HECW2: variants seen among roughly 807,000 people sequenced by gnomAD.
HECW2 encodes the protein E3 ubiquitin-protein ligase HECW2.
HECW2 carries 61 observed loss-of-function variants against 175.2 expected under a neutral mutation model. The observed-to-expected ratio is 0.35, with a 90% CI of 0.28 to 0.43. The LOEUF (loss-of-function observed/expected upper bound fraction) is 0.43, where lower values mean the gene tolerates loss of function less well. Ranked by LOEUF, HECW2 falls within the 20% of genes least tolerant of loss-of-function variation. The pLI is 1.00. For missense variants in HECW2, 1,524 were observed against 2,000.5 expected (o/e 0.76, Z 4.54); for synonymous variants, 671 against 731.0 (o/e 0.92, Z 1.32).
intron 2 of HECW2, among the ~76,000 whole-genome samples, chr2:196,365,486 G>A (rs1693718336): frequency 6.6e-6 from 1 of 152,180 alleles, no homozygotes; most frequent in African/African-American, 2.4e-5. Context: ...ATTTTTATTG[G>A]AGACTTTTTC....
At chr2:196,394,642 A>T (rs1410734421) in intron 2 of HECW2, among the ~76,000 whole-genome samples, 1 of 152,210 alleles carries the variant, frequency 6.6e-6, no homozygotes, top group Non-Finnish European at 1.5e-5. Context: ...TTAGTAGTGA[A>T]GTAAGATTTG....
intron 1 of HECW2, among the ~76,000 whole-genome samples, chr2:196,488,645 C>T (rs1039364620): frequency 6.6e-6 from 1 of 151,944 alleles, no homozygotes; most frequent in African/African-American, 2.4e-5. Context: ...CACACACACA[C>T]ACACACACAC....
rs1044623035 is a variant in HECW2 at position 196,200,926 on chromosome 2, G to A, written c.*351C>T. On this transcript the variant is annotated 3_prime_UTR_variant, in exon 29 of 29. Transcript: ENST00000644978. ...ATGCTGCCAGTTTGGCTTGAACCAC[G>A]TTCAAGGGTAAGTTTCAAGATTCTC... The A allele has an allele frequency of 1.8e-5, 3 of 170,010 alleles. No homozygotes were observed. The highest frequency in any genetic ancestry group is 2.6e-5 in the Non-Finnish European group (2 of 78,388). The allele number at this position is 170,010 out of a possible 1,614,324, so 10.5% of individuals were successfully genotyped here. A position where few individuals can be genotyped will look rare whatever the true frequency, so the allele number is the denominator to read the frequency against.
At chr2:196,377,939 C>T (rs1235497587) in intron 2 of HECW2, among the ~76,000 whole-genome samples, 1 of 152,162 alleles carries the variant, frequency 6.6e-6, no homozygotes, top group African/African-American at 2.4e-5. Flanking sequence ...TTTCTTGGCA[C>T]AAGTTTACTC....
intron 1 of HECW2, among the ~76,000 whole-genome samples, chr2:196,518,926 A>C (rs568917751): frequency 6.6e-6 from 1 of 152,240 alleles, no homozygotes; most frequent in Admixed American, 6.5e-5. Flanking sequence ...CTACATGCAG[A>C]ATCTTGAGAA....
At chr2:196,209,860 C>T (rs572735118) in intron 28 of HECW2, among the ~76,000 whole-genome samples, 4 of 151,756 alleles carry the variant, frequency 2.6e-5, no homozygotes, top group East Asian at 1.9e-4. Flanking sequence ...GCCTCCCGGG[C>T]TCCCGCCATT....
intron 2 of HECW2, among the ~76,000 whole-genome samples, chr2:196,372,950 CAA>C (rs1693948186): frequency 6.6e-6 from 1 of 152,132 alleles, no homozygotes; most frequent in Non-Finnish European, 1.5e-5. Context: ...CACATCTGTA[CAA>C]TTGGGATAAC....
At chr2:196,258,088 G>A (rs1372041600) in intron 17 of HECW2, 182 bp from the exon 18 acceptor site, 2 of 537,510 alleles carry the variant, frequency 3.7e-6, no homozygotes, top group Non-Finnish European at 6.6e-6. Flanking sequence ...CAAGGGGGGG[G>A]ATCTTGTAAG....
intron 23 of HECW2, among the ~76,000 whole-genome samples, chr2:196,224,869 G>C (rs887108813): frequency 3.9e-5 from 6 of 152,200 alleles, no homozygotes; most frequent in Non-Finnish European, 8.8e-5. Flanking sequence ...AACGGCACCT[G>C]TTCCCCAGTG....
intron 15 of HECW2, among the ~76,000 whole-genome samples, chr2:196,274,964 A>G (rs938231147): frequency 6.6e-6 from 1 of 152,250 alleles, no homozygotes; most frequent in Admixed American, 6.5e-5. Context: ...AACACACTGT[A>G]CTGGATTTAT....
rs1686835455 is a variant in HECW2 at position 196,200,979 on chromosome 2, T to A, written c.*298A>T. ...GAGTCCCTAAAAATTACCGTGGAGC[T>A]GATCATGTATGGGTTCATCTTTGTC... On this transcript the variant is annotated 3_prime_UTR_variant, in exon 29 of 29. Coordinates refer to ENST00000644978, the MANE Select transcript of HECW2 (RefSeq NM_001348768.2). The A allele has an allele frequency of 4.4e-6, 1 of 227,814 alleles. No homozygotes were observed. The highest frequency in any genetic ancestry group is 5.0e-5 in the Admixed American group (1 of 19,990). The allele number at this position is 227,814 out of a possible 1,614,324, so 14.1% of individuals were successfully genotyped here.
At chr2:196,543,327 AT>A (rs1689292473) in intron 1 of HECW2, among the ~76,000 whole-genome samples, 1 of 151,402 alleles carries the variant, frequency 6.6e-6, no homozygotes, top group South Asian at 2.1e-4. Flanking sequence ...AAAAAAAAAA[AT>A]GTTCTGTGTG....
At chr2:196,243,399 T>C (rs761728328) in intron 19 of HECW2, among the ~76,000 whole-genome samples, 5 of 152,010 alleles carry the variant, frequency 3.3e-5, no homozygotes, top group Non-Finnish European at 7.4e-5. Context: ...ACTCCCGACC[T>C]CAGGTAATCC....
chr2:196,529,000 T>G (rs560603162), intron 1 of HECW2, among the ~76,000 whole-genome samples: 2 of 152,338 alleles, frequency 1.3e-5, no homozygotes, highest in East Asian at 3.9e-4. Context: ...ATGAGAGCAA[T>G]TCTTGCCATG....
At chr2:196,269,654 AATG>A (rs1398258609) in intron 17 of HECW2, among the ~76,000 whole-genome samples, 1 of 152,202 alleles carries the variant, frequency 6.6e-6, no homozygotes, top group East Asian at 1.9e-4. Flanking sequence ...GAGGAAAAAT[AATG>A]ATGAGTTGGA....
intron 1 of HECW2, among the ~76,000 whole-genome samples, chr2:196,508,023 G>T (rs1384485141): frequency 6.6e-6 from 1 of 152,214 alleles, no homozygotes; most frequent in Non-Finnish European, 1.5e-5. Context: ...TAATAGGCTA[G>T]TGTGTTTTAA....
At chr2:196,526,810 C>T (rs1261707125) in intron 1 of HECW2, among the ~76,000 whole-genome samples, 1 of 152,000 alleles carries the variant, frequency 6.6e-6, no homozygotes, top group Non-Finnish European at 1.5e-5. Flanking sequence ...GGTCAGGGAC[C>T]CACTTGAGGA....
chr2:196,208,500 A>G (rs1687148171), intron 28 of HECW2, among the ~76,000 whole-genome samples: 4 of 152,234 alleles, frequency 2.6e-5, no homozygotes, highest in Non-Finnish European at 5.9e-5. Context: ...GGAGACAGAT[A>G]ATCAACAAGT....
At chr2:196,216,263 A>G (rs1333895545) in intron 27 of HECW2, among the ~76,000 whole-genome samples, 3 of 152,224 alleles carry the variant, frequency 2.0e-5, no homozygotes, top group Non-Finnish European at 4.4e-5. Context: ...AACCGGGCAC[A>G]TTTCCCACTA....
Sources: gnomAD v4.1 joint callset for allele counts (sites outside exome capture counted in the v4.1 genomes callset) on GRCh38, gnomAD v4.1.1 for gene constraint, MANE v1.5 for transcripts, NCBI Gene and HGNC (gene_info 2026-07-23, HGNC 2026-07-21) for gene names.